Variants in SCNN1G observed in about 807,000 individuals in gnomAD.
The protein encoded by SCNN1G is sodium channel epithelial 1 subunit gamma, also known as epithelial sodium channel subunit gamma.
Under a neutral mutation model 64.6 loss-of-function variants are expected in SCNN1G, and 27 were observed. The observed-to-expected ratio is 0.42, with a 90% CI of 0.31 to 0.58. The LOEUF (loss-of-function observed/expected upper bound fraction) is 0.58. SCNN1G is among the 20% of genes least tolerant of loss of function. The pLI, the probability that SCNN1G is intolerant of heterozygous loss-of-function variation, is 0.18. For synonymous variants in SCNN1G, 330 were observed against 314.2 expected (o/e 1.05, Z -0.53); for missense variants, 743 against 823.4 (o/e 0.90, Z 1.19).
intron 6 of SCNN1G, among the ~76,000 whole-genome samples, chr16:23,199,759 C>T (rs1187595298): frequency 2.9e-5 from 4 of 136,392 alleles, no homozygotes; most frequent in Non-Finnish European, 4.6e-5. Flanking sequence ...GCAAGCTCCA[C>T]ATCCCAGGTT....
At position 23,215,206 on chromosome 16, in the gene SCNN1G, C is replaced by T. The variant is rs1960140475; in HGVS notation, c.1687C>T (p.Arg563Cys). The change falls in exon 13 of 13, where the codon CGC becomes TGC. Residue 563 changes from arginine to cysteine, a missense_variant. Physicochemically the swap from Arg to Cys is radical, Grantham distance 180. Transcript: ENST00000300061. ...CATTGACTTCTTCTCTATCATTGCCCGCCGCCAGTGGCAGAAAGCCAAGGA... is the reference window on the plus strand; with the variant it reads ...CATTGACTTCTTCTCTATCATTGCCTGCCGCCAGTGGCAGAAAGCCAAGGA... The part of the protein sequence containing the change: ...FFIDFFSIIA[R>C]RQWQKAKEWW... 3 of 1,614,134 alleles carry T rather than the reference C, an allele frequency of 1.9e-6. No individual in the cohort carries two copies. The highest frequency in any genetic ancestry group is 1.3e-5 in the African/African-American group (1 of 75,026).
rs1479212950 is a variant in SCNN1G, at chr16:23,197,298, A to C, written c.948A>C (p.Glu316Asp). The C allele has an allele frequency of 6.2e-7, 1 of 1,613,998 alleles. No individual in the cohort carries two copies. The highest frequency in any genetic ancestry group is 1.1e-5 in the South Asian group (1 of 91,066). Residue 316 changes from glutamate (E) to aspartate (D), a missense_variant, in exon 6 of 13, where the codon GAA (glutamate) becomes GAC (aspartate). Glu to Asp is a conservative substitution (Grantham distance 45, BLOSUM62 2). Transcript: ENST00000300061. ...LQVILYINEE[E>D]YNPFLVSSTG... ...TCATTTTGTACATAAACGAAGAGGA[A>C]TACAACCCATTCCTCGTGTCCTCCA...
At chr16:23,185,561 A>G (rs1458579116) in intron 1 of SCNN1G, among the ~76,000 whole-genome samples, 3 of 152,252 alleles carry the variant, frequency 2.0e-5, no homozygotes, top group East Asian at 3.8e-4. Flanking sequence ...AGTGGCCAAT[A>G]GTTGCAGGTT....
chr16:23,197,827 C>T (rs977850700), intron 6 of SCNN1G, among the ~76,000 whole-genome samples: 3 of 151,618 alleles, frequency 2.0e-5, no homozygotes, highest in Admixed American at 6.6e-5. Context: ...TTGCAGTGGG[C>T]CGAGATCACG....
intron 6 of SCNN1G, among the ~76,000 whole-genome samples, chr16:23,201,531 A>AC (rs111406394): frequency 0.29 from 43,358 of 150,630 alleles, 6,960 homozygotes; most frequent in South Asian, 0.57. Flanking sequence ...AACAACAACA[A>AC]AAAAAAAAAC....
intron 6 of SCNN1G, among the ~76,000 whole-genome samples, chr16:23,201,231 T>C (rs900652849): frequency 3.3e-5 from 5 of 152,198 alleles, no homozygotes; most frequent in African/African-American, 4.8e-5. Flanking sequence ...TGAAGTAGGA[T>C]CCAGGATTTG....
intron 2 of SCNN1G, 118 bp from the exon 3 acceptor site, chr16:23,189,253 G>A: frequency 3.8e-6 from 4 of 1,049,448 alleles, no homozygotes; most frequent in Non-Finnish European, 5.8e-6. Flanking sequence ...CTCTGCCAAG[G>A]AGTTGGGAAA....
intron 11 of SCNN1G, among the ~76,000 whole-genome samples, chr16:23,213,495 A>C (rs907918548): frequency 4.0e-5 from 6 of 151,402 alleles, no homozygotes; most frequent in Non-Finnish European, 7.4e-5. Context: ...CAAGTGATCC[A>C]CCTCCCTTGG....
intron 6 of SCNN1G, among the ~76,000 whole-genome samples, chr16:23,201,576 G>T (rs1405306130): frequency 1.3e-5 from 2 of 151,886 alleles, no homozygotes; most frequent in Non-Finnish European, 2.9e-5. Flanking sequence ...GTGTCACTAA[G>T]AAAAACTCCA....
intron 6 of SCNN1G, among the ~76,000 whole-genome samples, chr16:23,199,217 C>T (rs765912075): frequency 1.1e-4 from 16 of 152,186 alleles, no homozygotes; most frequent in Non-Finnish European, 1.9e-4. Flanking sequence ...TAGGTATAAG[C>T]ATTTCTCCTT....
chr16:23,191,179 T>A (rs1959702984), intron 3 of SCNN1G, among the ~76,000 whole-genome samples: 1 of 151,978 alleles, frequency 6.6e-6, no homozygotes, highest in Non-Finnish European at 1.5e-5. Flanking sequence ...TCACTGAAAA[T>A]GAATTCTAGT....
At chr16:23,189,333 C>T (rs1959665253) in intron 2 of SCNN1G, 38 bp from the exon 3 acceptor site, 5 of 1,605,710 alleles carry the variant, frequency 3.1e-6, no homozygotes, top group Admixed American at 3.3e-5. Context: ...GCCAGGGCCG[C>T]CTCCCCTCTC....
intron 5 of SCNN1G, among the ~76,000 whole-genome samples, chr16:23,196,937 C>G (rs1959804989): frequency 6.6e-6 from 1 of 152,192 alleles, no homozygotes; most frequent in Admixed American, 6.5e-5. Flanking sequence ...TTCCGAGCTC[C>G]CCATCTCAAA....
At chr16:23,195,269 C>T (rs1005522924) in intron 5 of SCNN1G, among the ~76,000 whole-genome samples, 8 of 152,142 alleles carry the variant, frequency 5.3e-5, no homozygotes, top group Non-Finnish European at 7.3e-5. Flanking sequence ...CTATTATTAC[C>T]GTTACTAGCA....
intron 4 of SCNN1G, 50 bp downstream of exon 4, chr16:23,192,592 G>C (rs750603462): frequency 1.3e-6 from 2 of 1,481,600 alleles, no homozygotes; most frequent in South Asian, 2.3e-5. Context: ...GCAGCTCTGA[G>C]TACCAGGCCC....
chr16:23,186,484 C>A lies in SCNN1G; in HGVS notation c.213C>A (p.Cys71Ter). Reference protein sequence around the residue: ...LTAVALILWQCALLVFSFYTV... With the variant: ...LTAVALILWQ ...CCGTGGCCCTCATCCTCTGGCAGTG[C>A]GCCCTCCTCGTCTTCTCCTTCTATA... The change falls in exon 2 of 13, where the codon TGC becomes TGA. Residue 71 changes from cysteine to a stop codon, truncating the protein, a stop_gained. Coordinates refer to ENST00000300061, the MANE Select transcript of SCNN1G (RefSeq NM_001039.4). LOFTEE classifies it high-confidence loss of function. 1 of 1,613,978 alleles carries A rather than the reference C, an allele frequency of 6.2e-7. No homozygotes were observed. Among genetic ancestry groups the A allele is most frequent in the Non-Finnish European group, 8.5e-7 (1 of 1,179,974 alleles).
chr16:23,197,307 A>G lies in SCNN1G; in HGVS notation c.957A>G (p.Pro319=), dbSNP rs148669555. Residue 319 remains proline (P), a synonymous_variant, in exon 6 of 13, where the codon CCA becomes CCG. Transcript: ENST00000300061. The part of the protein sequence containing the change: ...ILYINEEEYN[P]FLVSSTGAKV... ...ACATAAACGAAGAGGAATACAACCC[A>G]TTCCTCGTGTCCTCCACTGGAGCTA... is the stretch of plus-strand genomic sequence containing the variant. 2.5e-6 allele frequency: 4 copies of G among 1,613,958 alleles called. No homozygotes were observed. The African/African-American group carries it at 4.0e-5, about 16-fold the overall frequency.
At chr16:23,206,157 A>AC (rs990258730) in intron 6 of SCNN1G, among the ~76,000 whole-genome samples, 36 of 53,946 alleles carry the variant, frequency 6.7e-4, no homozygotes, top group African/African-American at 1.5e-3. Context: ...CTGTGGCAAG[A>AC]CAGCAATCTT....
At chr16:23,204,500 T>A (rs890565423) in intron 6 of SCNN1G, among the ~76,000 whole-genome samples, 1 of 146,358 alleles carries the variant, frequency 6.8e-6, no homozygotes, top group African/African-American at 2.5e-5. Context: ...TTTATGAATT[T>A]TATATATATA....
Sources: gnomAD v4.1 joint callset for allele counts (sites outside exome capture counted in the v4.1 genomes callset) on GRCh38, gnomAD v4.1.1 for gene constraint, MANE v1.5 for transcripts, NCBI Gene and HGNC (gene_info 2026-07-23, HGNC 2026-07-21) for gene names.